Variants in ANKIB1 observed in about 807,000 individuals in gnomAD.
ANKIB1 encodes the protein ankyrin repeat and IBR domain-containing protein 1.
ANKIB1 carries 43 observed loss-of-function variants against 122.1 expected under a neutral mutation model. The observed-to-expected ratio is 0.35, with a 90% CI of 0.28 to 0.45. ANKIB1 has a LOEUF of 0.45. ANKIB1 is among the 20% of genes least tolerant of loss of function. ANKIB1 has a pLI of 1.00. For synonymous variants in ANKIB1, 390 were observed against 442.0 expected (o/e 0.88, Z 1.48); for missense variants, 992 against 1,329.5 (o/e 0.75, Z 3.95).
At chr7:92,357,678 T>C (rs1803847050) in intron 9 of ANKIB1, among the ~76,000 whole-genome samples, 2 of 142,668 alleles carry the variant, frequency 1.4e-5, no homozygotes. Context: ...GAAGCTGCAG[T>C]GAGCCAAGAT....
chr7:92,255,074 C>A (rs1801407598), intron 1 of ANKIB1, among the ~76,000 whole-genome samples: 1 of 152,204 alleles, frequency 6.6e-6, no homozygotes, highest in Non-Finnish European at 1.5e-5. Flanking sequence ...TCCTTGCCTT[C>A]TGCCATGATT....
intron 4 of ANKIB1, among the ~76,000 whole-genome samples, chr7:92,320,534 A>G (rs536061335): frequency 8.5e-5 from 13 of 152,134 alleles, no homozygotes; most frequent in African/African-American, 1.2e-4. Flanking sequence ...ACCTCTGTCC[A>G]CTGAGTTGCT....
intron 1 of ANKIB1, among the ~76,000 whole-genome samples, chr7:92,271,113 C>T (rs1227697671): frequency 6.6e-6 from 1 of 151,990 alleles, no homozygotes; most frequent in Admixed American, 6.6e-5. Flanking sequence ...ATCTATGATC[C>T]ATTTTTAGTT....
At chr7:92,344,298 A>AGAT (rs1049958943) in intron 6 of ANKIB1, among the ~76,000 whole-genome samples, 57 of 136,240 alleles carry the variant, frequency 4.2e-4, no homozygotes, top group African/African-American at 1.5e-3. Flanking sequence ...TCCACCTCCC[A>AGAT]GATTCAGGTG....
In ANKIB1 at chr7:92,264,158, G is replaced by A. The variant is rs530174562; in HGVS notation, c.-91+17639G>A. 1.1e-4 allele frequency among the ~76,000 whole-genome samples: 16 copies of A among 146,690 alleles called. No individual in the cohort carries two copies. In the South Asian group the frequency reaches 1.9e-3, roughly 18 times the overall value. On this transcript the variant is annotated intron_variant, in intron 1 of 19. Transcript: ENST00000265742. ...AAACTTCAGGATAGTGTTTTTCGTC[G>A]TCGTTTTTTTTTTTGTTTGTTTGTT...
rs552040482 is a variant in ANKIB1, at chr7:92,380,768, C to A, written c.1618-5741C>A. 3.3e-5 allele frequency among the ~76,000 whole-genome samples: 5 copies of A among 152,280 alleles called. No individual in the cohort carries two copies. The South Asian group carries it at 1.0e-3, about 32-fold the overall frequency. On this transcript the variant is annotated intron_variant, in intron 11 of 19. Transcript: ENST00000265742. ...ATCTGTAGGTCACCATCATCAAAGA[C>A]CAAAGGTAGATAACACCACAAAGAT...
chr7:92,363,974 T>C (rs1383213366), intron 10 of ANKIB1, among the ~76,000 whole-genome samples: 1 of 152,194 alleles, frequency 6.6e-6, no homozygotes, highest in Non-Finnish European at 1.5e-5. Flanking sequence ...TAGTGAAGCC[T>C]GATTAAACAT....
At chr7:92,277,241 T>C (rs1041491325) in intron 1 of ANKIB1, among the ~76,000 whole-genome samples, 12 of 152,166 alleles carry the variant, frequency 7.9e-5, no homozygotes, top group African/African-American at 2.9e-4. Context: ...TATAGCACTG[T>C]GAAAATGGAC....
chr7:92,335,979 T>C (rs1266279071), intron 5 of ANKIB1, among the ~76,000 whole-genome samples: 1 of 152,084 alleles, frequency 6.6e-6, no homozygotes, highest in Non-Finnish European at 1.5e-5. Context: ...GTTGTATATA[T>C]TCTTATCATT....
chr7:92,393,671 G>A (rs2115717134), intron 17 of ANKIB1, among the ~76,000 whole-genome samples: 1 of 152,088 alleles, frequency 6.6e-6, no homozygotes, highest in Middle Eastern at 3.4e-3. Context: ...AATATTGAGG[G>A]CCTACTAATA....
At chr7:92,282,009 T>C (rs1802019991) in intron 1 of ANKIB1, among the ~76,000 whole-genome samples, 2 of 152,226 alleles carry the variant, frequency 1.3e-5, no homozygotes, top group Admixed American at 6.5e-5. Flanking sequence ...GTAAAAATTA[T>C]TTCAAAAGAT....
At chr7:92,348,444 G>C (rs1336575779) in intron 7 of ANKIB1, among the ~76,000 whole-genome samples, 3 of 148,138 alleles carry the variant, frequency 2.0e-5, no homozygotes, top group Non-Finnish European at 4.4e-5. Flanking sequence ...GGAGTGCAGT[G>C]GCACCATCTC....
chr7:92,304,427 G>A (rs1802515638), intron 2 of ANKIB1, among the ~76,000 whole-genome samples: 1 of 152,044 alleles, frequency 6.6e-6, no homozygotes, highest in South Asian at 2.1e-4. Context: ...TATATGGGGA[G>A]GATCTAGAGA....
intron 2 of ANKIB1, among the ~76,000 whole-genome samples, chr7:92,297,120 AT>A (rs1802372052): frequency 6.6e-6 from 1 of 152,172 alleles, no homozygotes; most frequent in South Asian, 2.1e-4. Flanking sequence ...CATTATCTGA[AT>A]CCTCATTACA....
chr7:92,254,357 GTAAT>G (rs1177350956), intron 1 of ANKIB1, among the ~76,000 whole-genome samples: 1 of 152,182 alleles, frequency 6.6e-6, no homozygotes, highest in Non-Finnish European at 1.5e-5. Flanking sequence ...GAATAATATT[GTAAT>G]TAATATCTTT....
At chr7:92,343,751 A>G (rs1202593613) in intron 6 of ANKIB1, among the ~76,000 whole-genome samples, 5 of 152,220 alleles carry the variant, frequency 3.3e-5, no homozygotes, top group Non-Finnish European at 5.9e-5. Flanking sequence ...ATACAAAAAC[A>G]TTTTTTATAA....
At chr7:92,348,483 T>G (rs1803589077) in intron 7 of ANKIB1, among the ~76,000 whole-genome samples, 1 of 151,784 alleles carries the variant, frequency 6.6e-6, no homozygotes, top group African/African-American at 2.4e-5. Flanking sequence ...CCTCCCGGGT[T>G]CAAGTGATTC....
chr7:92,250,083 T>G (rs1161686789), intron 1 of ANKIB1, among the ~76,000 whole-genome samples: 5 of 152,268 alleles, frequency 3.3e-5, no homozygotes, highest in Non-Finnish European at 5.9e-5. Context: ...AAGGTACTAG[T>G]ATATCTTGTG....
In ANKIB1 at chr7:92,307,724, G is replaced by A. The variant is rs1585099362; in HGVS notation, c.486+68G>A. 5.1e-5 allele frequency: 48 copies of A among 935,922 alleles called. 1 individual carries two copies. Among genetic ancestry groups the A allele is most frequent in the Middle Eastern group, 7.8e-4 (2 of 2,552 alleles). The allele number at this position is 935,922 out of a possible 1,614,324, so 58.0% of individuals were successfully genotyped here. On this transcript the variant is annotated intron_variant, in intron 3 of 19. Coordinates refer to ENST00000265742, the MANE Select transcript of ANKIB1 (RefSeq NM_019004.2). ...TATCCAGGTGATATGTAACTGTCAG[G>A]TTTTTTTTTTTTTGATTGTCTTAGT...
Sources: allele counts gnomAD v4.1 joint callset (sites outside exome capture counted in the v4.1 genomes callset), GRCh38; gene constraint gnomAD v4.1.1; transcripts MANE v1.5; gene names NCBI Gene and HGNC (gene_info 2026-07-23, HGNC 2026-07-21).